ADAMTS12: variants seen among roughly 807,000 people sequenced by gnomAD.
ADAMTS12 encodes ADAM metallopeptidase with thrombospondin type 1 motif 12, also known as A disintegrin and metalloproteinase with thrombospondin motifs 12.
ADAMTS12 carries 118 observed loss-of-function variants against 167.8 expected under a neutral mutation model. That is an observed-to-expected ratio of 0.70 (90% CI 0.61 to 0.82). ADAMTS12 has a LOEUF of 0.82. Among genes scored for constraint, ADAMTS12 ranks in the 40% least tolerant of loss-of-function variants. The probability of loss-of-function intolerance (pLI) is 0.00; values close to 1 mark genes in which losing one functional copy is unlikely to be tolerated. For missense variants in ADAMTS12, 1,916 were observed against 1,998.8 expected (o/e 0.96, Z 0.79); for synonymous variants, 704 against 716.9 (o/e 0.98, Z 0.29).
chr5:33,867,085 T>G (rs1212668916), intron 2 of ADAMTS12, among the ~76,000 whole-genome samples: 2 of 152,106 alleles, frequency 1.3e-5, no homozygotes, highest in Non-Finnish European at 2.9e-5. Context: ...GATCTACCAT[T>G]TGATCCAGAA....
chr5:33,751,527 G>A lies in ADAMTS12; in HGVS notation c.511C>T (p.His171Tyr). ...ACGGGTTCAATGAAAAAGTCTCCAT[G>A]TGGTAGTTGGAAAAATCCAGTCTGT... ...HGLTGFFQLP[H>Y]GDFFIEPVKK... Residue 171 changes from histidine to tyrosine, a missense_variant, in exon 3 of 24, where the codon CAT (histidine) becomes TAT (tyrosine). Transcript: ENST00000504830. 6.2e-7 allele frequency: 1 copy of A among 1,614,004 alleles called. No individual in the cohort carries two copies. The highest frequency in any genetic ancestry group is 2.2e-5 in the East Asian group (1 of 44,874).
At chr5:33,652,079 A>G (rs1160542863) in intron 7 of ADAMTS12, among the ~76,000 whole-genome samples, 2 of 152,166 alleles carry the variant, frequency 1.3e-5, no homozygotes, top group Admixed American at 1.3e-4. Context: ...ATAGTGCTGC[A>G]ATAAACATAC....
chr5:33,631,247 G>T (rs1160148049), intron 12 of ADAMTS12, among the ~76,000 whole-genome samples: 2 of 152,120 alleles, frequency 1.3e-5, no homozygotes, highest in Non-Finnish European at 2.9e-5. Context: ...GGCATCTGGG[G>T]TTAGCTTAGA....
intron 18 of ADAMTS12, among the ~76,000 whole-genome samples, chr5:33,584,234 A>G (rs1437670628): frequency 6.6e-6 from 1 of 152,230 alleles, no homozygotes; most frequent in Non-Finnish European, 1.5e-5. Context: ...AGTACTTAAT[A>G]GATACATACA....
At chr5:33,740,816 G>A (rs1359660501) in intron 3 of ADAMTS12, among the ~76,000 whole-genome samples, 3 of 152,232 alleles carry the variant, frequency 2.0e-5, no homozygotes, top group South Asian at 2.1e-4. Context: ...AGGGGCCAGG[G>A]AGAAAGTGAC....
chr5:33,546,131 T>C lies in ADAMTS12; in HGVS notation c.4374A>G (p.Thr1458=), dbSNP rs776472308. The change falls in exon 22 of 24, where the codon ACA becomes ACG. Residue 1458 remains threonine, a synonymous_variant. Transcript: ENST00000504830. The part of the protein sequence containing the change: ...VFCPGGLCDW[T]KRPTSTMSCN... ...AAGACATGGTGGATGTGGGTCTTTT[T>C]GTCCAATCACAGAGGCCTCCTGGAC... The C allele has an allele frequency of 6.2e-7, 1 of 1,614,044 alleles. No homozygotes were observed. Among genetic ancestry groups the C allele is most frequent in the Non-Finnish European group, 8.5e-7 (1 of 1,179,992 alleles).
intron 2 of ADAMTS12, among the ~76,000 whole-genome samples, chr5:33,773,339 A>G (rs1287452853): frequency 6.6e-6 from 1 of 152,178 alleles, no homozygotes; most frequent in Non-Finnish European, 1.5e-5. Flanking sequence ...TAAGAACCAC[A>G]TTCCCTTCTG....
chr5:33,538,409 A>G (rs572731735), intron 22 of ADAMTS12, among the ~76,000 whole-genome samples: 2 of 152,238 alleles, frequency 1.3e-5, no homozygotes, highest in South Asian at 2.1e-4. Flanking sequence ...CCAAGATGAG[A>G]TTTGGGTGGG....
chr5:33,879,883 G>C (rs1419311451), intron 2 of ADAMTS12, among the ~76,000 whole-genome samples: 1 of 152,234 alleles, frequency 6.6e-6, no homozygotes, highest in African/African-American at 2.4e-5. Context: ...ACAATGGGAG[G>C]ATTTGGAACA....
chr5:33,710,769 T>C (rs2112316331), intron 3 of ADAMTS12, among the ~76,000 whole-genome samples: 2 of 152,266 alleles, frequency 1.3e-5, no homozygotes, highest in East Asian at 3.9e-4. Flanking sequence ...GGGTGTGCCA[T>C]TTAAGTTGAG....
chr5:33,597,120 C>T (rs555868868), intron 16 of ADAMTS12, among the ~76,000 whole-genome samples: 2 of 152,258 alleles, frequency 1.3e-5, no homozygotes, highest in Admixed American at 1.3e-4. Context: ...GGCGAAGAAA[C>T]TGAGGCACAG....
At chr5:33,595,489 TG>T (rs1747877477) in intron 17 of ADAMTS12, among the ~76,000 whole-genome samples, 1 of 152,094 alleles carries the variant, frequency 6.6e-6, no homozygotes, top group Admixed American at 6.5e-5. Flanking sequence ...GTGCCAGTAA[TG>T]TCAAGATTGG....
intron 3 of ADAMTS12, among the ~76,000 whole-genome samples, chr5:33,708,590 T>G (rs1743279713): frequency 6.6e-6 from 1 of 152,144 alleles, no homozygotes; most frequent in Admixed American, 6.5e-5. Flanking sequence ...ATGTGGCACA[T>G]ATACACCATG....
At chr5:33,647,701 AG>A (rs1455096257) in intron 9 of ADAMTS12, among the ~76,000 whole-genome samples, 1 of 151,522 alleles carries the variant, frequency 6.6e-6, no homozygotes, top group Non-Finnish European at 1.5e-5. Context: ...ACTGCACTCC[AG>A]CCTGGGCGAT....
At chr5:33,641,688 G>T in intron 11 of ADAMTS12, 122 bp downstream of exon 11, 1 of 989,754 alleles carries the variant, frequency 1.0e-6, no homozygotes, top group African/African-American at 1.6e-5. Flanking sequence ...GTTTTGTCCT[G>T]GGAACCCATT....
At chr5:33,659,768 C>T (rs1316375212) in intron 6 of ADAMTS12, among the ~76,000 whole-genome samples, 1 of 152,182 alleles carries the variant, frequency 6.6e-6, no homozygotes, top group African/African-American at 2.4e-5. Context: ...CCAAATCTTC[C>T]ATCTACTGAA....
chr5:33,564,180 A>G (rs756826608), intron 19 of ADAMTS12, among the ~76,000 whole-genome samples: 4 of 152,258 alleles, frequency 2.6e-5, no homozygotes, highest in Non-Finnish European at 5.9e-5. Context: ...TTCCTGTTTT[A>G]GGGATCAGGA....
chr5:33,610,006 C>T (rs969785145), intron 16 of ADAMTS12, among the ~76,000 whole-genome samples: 7 of 151,730 alleles, frequency 4.6e-5, no homozygotes, highest in Non-Finnish European at 1.0e-4. Context: ...ATGGAGAAAC[C>T]CCGTCTCTAC....
At chr5:33,664,924 T>C (rs1400731668) in intron 5 of ADAMTS12, among the ~76,000 whole-genome samples, 1 of 151,990 alleles carries the variant, frequency 6.6e-6, no homozygotes, top group Non-Finnish European at 1.5e-5. Flanking sequence ...AAAGAAACTG[T>C]AAGGTATACA....
Sources: allele counts gnomAD v4.1 joint callset (sites outside exome capture counted in the v4.1 genomes callset), GRCh38; gene constraint gnomAD v4.1.1; transcripts MANE v1.5; gene names NCBI Gene and HGNC (gene_info 2026-07-23, HGNC 2026-07-21).